The following DUSP16 variants were observed in gnomAD, a reference collection of about 807,000 sequenced individuals.
The protein encoded by DUSP16 is dual specificity phosphatase 16.
A neutral mutation model predicts 58.3 loss-of-function variants in DUSP16; 21 were observed. That is an observed-to-expected ratio of 0.36 (90% CI 0.26 to 0.52). The LOEUF (loss-of-function observed/expected upper bound fraction) is 0.52, where lower values mean the gene tolerates loss of function less well. Ranked by LOEUF, DUSP16 falls within the 20% of genes least tolerant of loss-of-function variation. The probability of loss-of-function intolerance (pLI) is 0.94; values close to 1 mark genes in which losing one functional copy is unlikely to be tolerated. For missense variants in DUSP16, 726 were observed against 819.0 expected, an observed-to-expected ratio of 0.89 and a Z score of 1.39; for synonymous variants, 320 against 323.8, an observed-to-expected ratio of 0.99 and a Z score of 0.12.
intron 1 of DUSP16, among the ~76,000 whole-genome samples, chr12:12,527,570 T>C (rs1944323839): frequency 6.6e-6 from 1 of 152,218 alleles, no homozygotes; most frequent in African/African-American, 2.4e-5. Context: ...CTGCATGTTC[T>C]GCACATGTAC....
In DUSP16 at chr12:12,475,538, C is replaced by G. The variant is rs1232795185; in HGVS notation, c.*1295G>C. ...TCACAACTGATCAAAACTCAATGGT[C>G]TTCTCAGCTTTCTCAACCGTTTTAT... On this transcript the variant is annotated 3_prime_UTR_variant, in exon 7 of 7. Coordinates refer to ENST00000298573, the MANE Select transcript of DUSP16 (RefSeq NM_030640.3). 1 of 152,228 alleles carries G rather than the reference C, an allele frequency of 6.6e-6. No individual in the cohort carries two copies. Among genetic ancestry groups the G allele is most frequent in the Non-Finnish European group, 1.5e-5 (1 of 68,050 alleles). The allele number at this position is 152,228 out of a possible 1,614,324, so 9.4% of individuals were successfully genotyped here. A position where few individuals can be genotyped will look rare whatever the true frequency, so the allele number is the denominator to read the frequency against.
chr12:12,480,542 C>CA (rs1352167642), intron 5 of DUSP16, among the ~76,000 whole-genome samples, 196 bp from the exon 6 acceptor site: 1 of 152,162 alleles, frequency 6.6e-6, no homozygotes. Context: ...ACATGCAGGA[C>CA]AACTGGGGTC....
In DUSP16 at chr12:12,562,566, G is replaced by T. The variant is rs1346959197; in HGVS notation, c.-815C>A. On this transcript the variant is annotated 5_prime_UTR_variant, in exon 1 of 7. Transcript: ENST00000298573. ...CATAGAAAGAGGGGGAAAGGCGGGGGGGTGGGGTGGGGGGTTGGGGGAAAG... is the reference window on the plus strand; with the variant it reads ...CATAGAAAGAGGGGGAAAGGCGGGGTGGTGGGGTGGGGGGTTGGGGGAAAG... Among the ~76,000 whole-genome samples the T allele has an allele frequency of 1.2e-4, 17 of 146,396 alleles. No individual in the cohort carries two copies. The highest frequency in any genetic ancestry group is 7.5e-4 in the Admixed American group (11 of 14,764).
chr12:12,493,299 C>T (rs1450644808), intron 4 of DUSP16, among the ~76,000 whole-genome samples: 1 of 152,186 alleles, frequency 6.6e-6, no homozygotes, highest in African/African-American at 2.4e-5. Context: ...ACCATCCAAT[C>T]CTATTGGCTA....
rs1592190712 is a variant in DUSP16 at position 12,519,722 on chromosome 12, G to C, written c.367+140C>G. ...TAGTATTCAAGTTAAATAGAACGGT[G>C]ACATCAATCAAAAGCTATAAATAAA... is the stretch of plus-strand genomic sequence containing the variant. On this transcript the variant is annotated intron_variant, in intron 3 of 6. Coordinates refer to ENST00000298573, the MANE Select transcript of DUSP16 (RefSeq NM_030640.3). 4.9e-6 allele frequency: 4 copies of C among 817,792 alleles called. No homozygotes were observed. The Admixed American group carries it at 1.1e-4, about 23-fold the overall frequency. 50.7% of individuals were successfully genotyped at this position (817,792 alleles called of 1,614,324 possible). A position where few individuals can be genotyped will look rare whatever the true frequency, so the allele number is the denominator to read the frequency against.
At chr12:12,534,811 T>TA (rs899666349) in intron 1 of DUSP16, among the ~76,000 whole-genome samples, 1 of 152,082 alleles carries the variant, frequency 6.6e-6, no homozygotes, top group Admixed American at 6.6e-5. Flanking sequence ...TTTGTTACTC[T>TA]AAAAAAAAGT....
At chr12:12,479,855 T>C (rs1159797425) in intron 6 of DUSP16, among the ~76,000 whole-genome samples, 1 of 152,230 alleles carries the variant, frequency 6.6e-6, no homozygotes, top group Non-Finnish European at 1.5e-5. Flanking sequence ...AGAACAGAGA[T>C]TCTGCAGTGA....
intron 5 of DUSP16, among the ~76,000 whole-genome samples, chr12:12,482,577 G>C (rs756294391): frequency 5.3e-5 from 8 of 152,212 alleles, no homozygotes; most frequent in Non-Finnish European, 1.2e-4. Context: ...AAATGTGTGC[G>C]AGAAAGCCCT....
chr12:12,508,012 A>T (rs1944024132), intron 3 of DUSP16, among the ~76,000 whole-genome samples: 1 of 152,260 alleles, frequency 6.6e-6, no homozygotes, highest in South Asian at 2.1e-4. Flanking sequence ...TTTAGAATAT[A>T]TGTGAAAAAC....
At chr12:12,507,032 A>C (rs1944007383) in intron 3 of DUSP16, among the ~76,000 whole-genome samples, 1 of 152,102 alleles carries the variant, frequency 6.6e-6, no homozygotes, top group Non-Finnish European at 1.5e-5. Context: ...AACGTGAACC[A>C]CCATTCCATT....
rs1943399833 is a variant in DUSP16 at position 12,475,122 on chromosome 12, C to A, written c.*1711G>T. 1 of 152,090 alleles carries A rather than the reference C, an allele frequency of 6.6e-6. No homozygotes were observed. Among genetic ancestry groups the A allele is most frequent in the Non-Finnish European group, 1.5e-5 (1 of 68,044 alleles). The allele number at this position is 152,090 out of a possible 1,614,324, so 9.4% of individuals were successfully genotyped here. On this transcript the variant is annotated 3_prime_UTR_variant, in exon 7 of 7. Coordinates refer to ENST00000298573, the MANE Select transcript of DUSP16 (RefSeq NM_030640.3). Reference sequence around the variant, plus strand: ...CACCATAGGAAACATGAAGTCACATCCTGGTCAAAAAACTGTCCATTTCTC... The same window carrying A: ...CACCATAGGAAACATGAAGTCACATACTGGTCAAAAAACTGTCCATTTCTC...
intron 5 of DUSP16, 152 bp from the exon 6 acceptor site, chr12:12,480,498 G>A (rs1943544362): frequency 1.1e-6 from 1 of 924,024 alleles, no homozygotes; most frequent in Non-Finnish European, 1.5e-6. Flanking sequence ...ATATTCTTTT[G>A]AGGAGGCAGG....
chr12:12,528,125 C>G (rs1468113373), intron 1 of DUSP16, among the ~76,000 whole-genome samples: 1 of 152,142 alleles, frequency 6.6e-6, no homozygotes, highest in Non-Finnish European at 1.5e-5. Context: ...CTGTTTCACC[C>G]GCTTCCCCTT....
chr12:12,525,947 T>G (rs1031517762), intron 1 of DUSP16, among the ~76,000 whole-genome samples: 2 of 152,160 alleles, frequency 1.3e-5, no homozygotes, highest in Non-Finnish European at 2.9e-5. Context: ...AATGTGATGG[T>G]GAACATTCAT....
chr12:12,505,040 C>T (rs146631382), intron 3 of DUSP16, among the ~76,000 whole-genome samples: 3 of 152,164 alleles, frequency 2.0e-5, no homozygotes, highest in African/African-American at 2.4e-5. Context: ...ACACTTACTG[C>T]GTGACAAACA....
chr12:12,482,132 T>G (rs1027083655), intron 5 of DUSP16, among the ~76,000 whole-genome samples: 2 of 152,230 alleles, frequency 1.3e-5, no homozygotes, highest in African/African-American at 4.8e-5. Context: ...CTCTCATTAA[T>G]TTTAATAATT....
At chr12:12,480,367 A>G (rs756469271) in intron 5 of DUSP16, 21 bp from the exon 6 acceptor site, 103 of 1,609,928 alleles carry the variant, frequency 6.4e-5, no homozygotes, top group Non-Finnish European at 5.9e-6. Context: ...CAAATGCAAG[A>G]AAGGTCACTA....
chr12:12,481,367 T>C (rs1049957084), intron 5 of DUSP16, among the ~76,000 whole-genome samples: 3 of 151,916 alleles, frequency 2.0e-5, no homozygotes, highest in Non-Finnish European at 2.9e-5. Flanking sequence ...TTCTGGCCAG[T>C]TCCATGACTG....
intron 5 of DUSP16, among the ~76,000 whole-genome samples, chr12:12,482,818 G>A (rs900490009): frequency 6.6e-6 from 1 of 152,134 alleles, no homozygotes; most frequent in Non-Finnish European, 1.5e-5. Flanking sequence ...AGGCTCAAGC[G>A]ATCCTCCTGC....
Sources: allele counts gnomAD v4.1 joint callset (sites outside exome capture counted in the v4.1 genomes callset), GRCh38; gene constraint gnomAD v4.1.1; transcripts MANE v1.5; gene names NCBI Gene and HGNC (gene_info 2026-07-23, HGNC 2026-07-21).